LAPTM5: variants seen among roughly 807,000 people sequenced by gnomAD.
LAPTM5 encodes lysosomal protein transmembrane 5.
LAPTM5 carries 11 observed loss-of-function variants against 30.1 expected under a neutral mutation model. The ratio of observed to expected loss-of-function variants is 0.37; its 90% CI spans 0.23 to 0.60. LAPTM5 has a LOEUF of 0.60. Among genes scored for constraint, LAPTM5 ranks in the 20% least tolerant of loss-of-function variants. The probability of loss-of-function intolerance (pLI) is 0.71; values close to 1 mark genes in which losing one functional copy is unlikely to be tolerated. For missense variants in LAPTM5, 324 were observed against 332.5 expected (o/e 0.97, Z 0.20); for synonymous variants, 151 against 137.9 (o/e 1.10, Z -0.67).
chr1:30,740,616 T>G (rs1034352704), intron 3 of LAPTM5, among the ~76,000 whole-genome samples: 1 of 152,034 alleles, frequency 6.6e-6, no homozygotes, highest in African/African-American at 2.4e-5. Flanking sequence ...TCCTGGTGTC[T>G]CATGTGGTCG....
chr1:30,753,101 A>G (rs1246168791), intron 1 of LAPTM5, among the ~76,000 whole-genome samples: 2 of 151,152 alleles, frequency 1.3e-5, no homozygotes, highest in African/African-American at 4.9e-5. Context: ...TTTTTTTCCA[A>G]TTTAAAAGTA....
chr1:30,739,482 C>T lies in LAPTM5; in HGVS notation c.387+327G>A, dbSNP rs1639936932. ...AAGAAATAATACTGGGGGCTGGGGG[C>T]TAAAAAGCGCACATGTCCTTTCCTC... On this transcript the variant is annotated intron_variant, in intron 4 of 7. Transcript: ENST00000294507. The surrounding 1 kb of genome is among the most constrained non-coding windows in gnomAD (Gnocchi z 4.2). Among the ~76,000 whole-genome samples, 1 of 152,196 alleles carries T rather than the reference C, an allele frequency of 6.6e-6. No individual in the cohort carries two copies. The highest frequency in any genetic ancestry group is 2.4e-5 in the African/African-American group (1 of 41,434).
chr1:30,739,189 C>A lies in LAPTM5; in HGVS notation c.388-127G>T, dbSNP rs760077746. 2.0e-5 allele frequency: 25 copies of A among 1,223,548 alleles called. No homozygotes were observed. Among genetic ancestry groups the A allele is most frequent in the Non-Finnish European group, 9.0e-6 (8 of 886,554 alleles). 75.8% of individuals were successfully genotyped at this position (1,223,548 alleles called of 1,614,324 possible). A position where few individuals can be genotyped will look rare whatever the true frequency, so the allele number is the denominator to read the frequency against. The stretch of plus-strand genomic sequence containing the variant: ...TACAGACATCAGTGACTCTCGTCCC[C>A]TGTGCACAGAGAGACATGAACACAC... On this transcript the variant is annotated intron_variant, in intron 4 of 7. Coordinates refer to ENST00000294507, the MANE Select transcript of LAPTM5 (RefSeq NM_006762.3). This position sits in a 1 kb window ranked among gnomAD's most constrained non-coding sequence, Gnocchi z 4.2.
intron 1 of LAPTM5, among the ~76,000 whole-genome samples, chr1:30,749,764 T>C (rs1640104517): frequency 6.6e-6 from 1 of 152,100 alleles, no homozygotes; most frequent in Non-Finnish European, 1.5e-5. Context: ...GGAAAGGGCA[T>C]GAGCAGAGGC....
chr1:30,741,611 AG>A (rs752698551), intron 3 of LAPTM5, 28 bp downstream of exon 3: 13 of 1,541,266 alleles, frequency 8.4e-6, no homozygotes, highest in Admixed American at 1.9e-5. Flanking sequence ...AGGAAGGGGC[AG>A]GGGGCAGCGG....
At chr1:30,753,409 C>G (rs115805953) in intron 1 of LAPTM5, among the ~76,000 whole-genome samples, 1 of 152,042 alleles carries the variant, frequency 6.6e-6, no homozygotes, top group Non-Finnish European at 1.5e-5. Context: ...TAACCTCAGC[C>G]GGGGGCTCAA....
chr1:30,740,257 G>A (rs1315926168), intron 3 of LAPTM5, among the ~76,000 whole-genome samples: 1 of 152,152 alleles, frequency 6.6e-6, no homozygotes, highest in African/African-American at 2.4e-5. Context: ...ACAGAGGAGA[G>A]GGGACCAGAG....
chr1:30,750,090 C>T (rs1454176554), intron 1 of LAPTM5, among the ~76,000 whole-genome samples: 2 of 152,176 alleles, frequency 1.3e-5, no homozygotes, highest in Non-Finnish European at 2.9e-5. Context: ...TAACTTTGCC[C>T]CAAAGGCAAA....
rs773601185 is a variant in LAPTM5, at chr1:30,733,820, G to A, written c.*8C>T. The A allele has an allele frequency of 4.4e-6, 7 of 1,601,262 alleles. No homozygotes were observed. In the South Asian group the frequency reaches 4.5e-5, roughly 10 times the overall value. On this transcript the variant is annotated 3_prime_UTR_variant, in exon 8 of 8. Transcript: ENST00000294507. ...CCTCCCAGCACTGGGGCTGGGGCCT[G>A]GCGAGGGTCACACCTCTGAGTATGG... is the stretch of plus-strand genomic sequence containing the variant.
At chr1:30,737,721 C>CATCA (rs754777044) in intron 5 of LAPTM5, 22 bp from the exon 6 acceptor site, 24 of 1,502,152 alleles carry the variant, frequency 1.6e-5, no homozygotes, top group Middle Eastern at 3.4e-4. Flanking sequence ...TTGGGGGCCA[C>CATCA]ATCAATGTCT....
intron 1 of LAPTM5, among the ~76,000 whole-genome samples, chr1:30,749,058 C>G (rs1370760522): frequency 2.0e-5 from 3 of 152,228 alleles, no homozygotes; most frequent in Non-Finnish European, 1.5e-5. Context: ...GTGGCCATGG[C>G]TGCCTTATTT....
chr1:30,749,328 G>A (rs1174585003), intron 1 of LAPTM5, among the ~76,000 whole-genome samples: 2 of 152,236 alleles, frequency 1.3e-5, no homozygotes, highest in African/African-American at 4.8e-5. Flanking sequence ...AGAAGTCAGT[G>A]GGGGCGGGGC....
chr1:30,755,055 C>G (rs566117625), intron 1 of LAPTM5, among the ~76,000 whole-genome samples: 4 of 152,166 alleles, frequency 2.6e-5, no homozygotes, highest in African/African-American at 9.7e-5. Flanking sequence ...AGGAAGATAA[C>G]CCCCCACTGG....
At chr1:30,742,765 C>A (rs563367621) in intron 1 of LAPTM5, among the ~76,000 whole-genome samples, 5 of 152,188 alleles carry the variant, frequency 3.3e-5, no homozygotes, top group Non-Finnish European at 7.3e-5. Context: ...AGCTATGTGA[C>A]CCTGGGCAAG....
rs1008645709 is a variant in LAPTM5 at position 30,746,979 on chromosome 1, C to CT, written c.88-4431dup. ...TCTGAGCACCTACCGCCTCCAAACT[C>CT]TGTCTAGAAAAGCCACTGACCCTGG... On this transcript the variant is annotated intron_variant, in intron 1 of 7. Transcript: ENST00000294507. The surrounding 1 kb of genome is among the most constrained non-coding windows in gnomAD (Gnocchi z 4.0). 4.6e-5 allele frequency among the ~76,000 whole-genome samples: 7 copies of CT among 152,178 alleles called. No homozygotes were observed. The highest frequency in any genetic ancestry group is 1.4e-4 in the African/African-American group (6 of 41,448).
At chr1:30,757,529 C>T (rs1393759478) in intron 1 of LAPTM5, 130 bp downstream of exon 1, 2 of 961,030 alleles carry the variant, frequency 2.1e-6, no homozygotes, top group African/African-American at 3.2e-5. Context: ...CAGGGATTTG[C>T]CCAGGGTCCC....
At chr1:30,745,229 G>A (rs1255645724) in intron 1 of LAPTM5, among the ~76,000 whole-genome samples, 4 of 152,144 alleles carry the variant, frequency 2.6e-5, no homozygotes, top group African/African-American at 4.8e-5. Flanking sequence ...TTTCACAGAC[G>A]AAGAAAGTGC....
chr1:30,741,135 A>G (rs1242717038), intron 3 of LAPTM5, among the ~76,000 whole-genome samples: 1 of 151,990 alleles, frequency 6.6e-6, no homozygotes, highest in African/African-American at 2.4e-5. Context: ...ATCTTCCCCA[A>G]TCAGATCATG....
At chr1:30,742,868 GAC>G (rs1639990790) in intron 1 of LAPTM5, among the ~76,000 whole-genome samples, 1 of 152,286 alleles carries the variant, frequency 6.6e-6, no homozygotes, top group African/African-American at 2.4e-5. Flanking sequence ...GAGTAAATGA[GAC>G]TATCCCAGGA....
Sources: allele counts gnomAD v4.1 joint callset (sites outside exome capture counted in the v4.1 genomes callset), GRCh38; gene constraint gnomAD v4.1.1; non-coding constraint Gnocchi (gnomAD v3.1); transcripts MANE v1.5; gene names NCBI Gene and HGNC (gene_info 2026-07-23, HGNC 2026-07-21).